FAM83D: variants seen among roughly 807,000 people sequenced by gnomAD.
FAM83D encodes scaffolding CK1 anchoring protein D.
FAM83D carries 26 observed loss-of-function variants against 25.4 expected under a neutral mutation model. The observed-to-expected ratio is 1.02, with a 90% CI of 0.75 to 1.42. The LOEUF is 1.42. FAM83D is among the 40% of genes most tolerant of loss of function. The probability of loss-of-function intolerance (pLI) is 0.00; values close to 1 mark genes in which losing one functional copy is unlikely to be tolerated. For missense variants in FAM83D, 740 were observed against 758.1 expected (o/e 0.98, Z 0.28); for synonymous variants, 310 against 318.5 (o/e 0.97, Z 0.28).
chr20:38,946,872 G>A (rs544419640), intron 2 of FAM83D, among the ~76,000 whole-genome samples: 92 of 152,320 alleles, frequency 6.0e-4, no homozygotes, highest in African/African-American at 2.2e-3. Context: ...GTGAACATGT[G>A]TAGAGGTTTT....
intron 1 of FAM83D, among the ~76,000 whole-genome samples, chr20:38,940,960 T>C (rs1045690181): frequency 6.6e-6 from 1 of 152,188 alleles, no homozygotes; most frequent in Admixed American, 6.5e-5. Context: ...AACCCTATTT[T>C]GCAGCTAAGG....
intron 2 of FAM83D, among the ~76,000 whole-genome samples, chr20:38,943,647 A>G (rs2085712992): frequency 6.6e-6 from 1 of 152,226 alleles, no homozygotes; most frequent in African/African-American, 2.4e-5. Flanking sequence ...CATGGAAAGA[A>G]GAAAGAAAAA....
chr20:38,943,784 G>A (rs185241746), intron 2 of FAM83D, among the ~76,000 whole-genome samples: 4 of 152,108 alleles, frequency 2.6e-5, no homozygotes, highest in Admixed American at 2.0e-4. Flanking sequence ...TCTGCCTCCC[G>A]GGTTCAAGCG....
At chr20:38,942,259 T>G in intron 2 of FAM83D, 133 bp downstream of exon 2, 1 of 941,880 alleles carries the variant, frequency 1.1e-6, no homozygotes. Context: ...GTCATTTGCC[T>G]GGTCTTACAG....
chr20:38,942,038 T>C lies in FAM83D; in HGVS notation c.563T>C (p.Val188Ala), dbSNP rs1249893148. Residue 188 changes from valine to alanine, a missense_variant, in exon 2 of 4, where the codon GTT (valine) becomes GCT (alanine). Around this residue, in one of 3 missense-constraint regions of FAM83D, gnomAD observed 333 missense variants for 298.6 expected, o/e 1.12. Transcript: ENST00000619850. ...DLQEICRKQG[V>A]AVYILLDQAL... ...CAAGAAATATGCAGGAAACAGGGAGTTGCTGTGTATATCCTTCTGGACCAG... is the reference window on the plus strand; with the variant it reads ...CAAGAAATATGCAGGAAACAGGGAGCTGCTGTGTATATCCTTCTGGACCAG... 4 of 1,613,950 alleles carry C rather than the reference T, an allele frequency of 2.5e-6. No individual in the cohort carries two copies. Among genetic ancestry groups the C allele is most frequent in the Non-Finnish European group, 2.5e-6 (3 of 1,179,984 alleles).
chr20:38,938,169 C>G (rs774192379), intron 1 of FAM83D, among the ~76,000 whole-genome samples: 1 of 152,242 alleles, frequency 6.6e-6, no homozygotes, highest in Admixed American at 6.5e-5. Context: ...TAGGTATTTA[C>G]TCACCATATA....
At chr20:38,937,062 G>A (rs2085682038) in intron 1 of FAM83D, among the ~76,000 whole-genome samples, 1 of 152,206 alleles carries the variant, frequency 6.6e-6, no homozygotes, top group African/African-American at 2.4e-5. Context: ...GGCTGGAGAA[G>A]TGCAGGAACA....
chr20:38,940,568 T>C (rs2085697415), intron 1 of FAM83D, among the ~76,000 whole-genome samples: 1 of 152,186 alleles, frequency 6.6e-6, no homozygotes, highest in African/African-American at 2.4e-5. Context: ...AGGCTTTTAC[T>C]GTGGAAATGG....
rs1568700910 is a variant in FAM83D at position 38,951,532 on chromosome 20, C to CT, written c.777-4dup. 6.2e-7 allele frequency: 1 copy of CT among 1,603,346 alleles called. No homozygotes were observed. Among genetic ancestry groups the CT allele is most frequent in the South Asian group, 1.1e-5 (1 of 89,476 alleles). On this transcript the variant is annotated splice_region_variant and splice_polypyrimidine_tract_variant and intron_variant, in intron 3 of 3. Transcript: ENST00000619850. ...CAGCTGCTGTTTGTTTCTTTTTAAT[C>CT]TTTAAGTTTTACATGGACGGATGGC...
chr20:38,939,894 T>C (rs1343912368), intron 1 of FAM83D, among the ~76,000 whole-genome samples: 1 of 152,160 alleles, frequency 6.6e-6, no homozygotes, highest in Admixed American at 6.5e-5. Flanking sequence ...AGCAGCCCTT[T>C]GACCCAGATG....
At chr20:38,935,743 G>T (rs1035298797) in intron 1 of FAM83D, among the ~76,000 whole-genome samples, 1 of 152,198 alleles carries the variant, frequency 6.6e-6, no homozygotes, top group African/African-American at 2.4e-5. Context: ...ACCGTGCCGG[G>T]CCTAAATTGT....
At chr20:38,931,853 C>G (rs974384427) in intron 1 of FAM83D, among the ~76,000 whole-genome samples, 4 of 152,230 alleles carry the variant, frequency 2.6e-5, no homozygotes, top group Non-Finnish European at 5.9e-5. Flanking sequence ...CTATTATGTG[C>G]ACCTTTGCTC....
intron 1 of FAM83D, among the ~76,000 whole-genome samples, chr20:38,939,944 G>A (rs1170970846): frequency 6.6e-6 from 1 of 152,184 alleles, no homozygotes; most frequent in Non-Finnish European, 1.5e-5. Flanking sequence ...CTGAGGCTCA[G>A]AGAGATTAAG....
Position 38,951,877 on chromosome 20 carries a change from A to G in FAM83D, c.1115A>G (p.Asp372Gly), listed in dbSNP as rs1242833245. 2 of 1,614,046 alleles carry G rather than the reference A, an allele frequency of 1.2e-6. No individual in the cohort carries two copies. Among genetic ancestry groups the G allele is most frequent in the African/African-American group, 2.7e-5 (2 of 74,916 alleles). The change falls in exon 4 of 4, where the codon GAC (aspartate) becomes GGC (glycine). Residue 372 changes from aspartate (D) to glycine (G), a missense_variant. This residue lies in a region of FAM83D where 375 missense variants were observed against 403.2 expected (regional missense o/e 0.93). Coordinates refer to ENST00000619850, the MANE Select transcript of FAM83D (RefSeq NM_030919.3). ...GAGTCCTCTACTGTTAGTGAGGAAGACTACTTCAGCAGCCACAGGGACGAG... is the reference window on the plus strand; with the variant it reads ...GAGTCCTCTACTGTTAGTGAGGAAGGCTACTTCAGCAGCCACAGGGACGAG... ...DCESSTVSEE[D>G]YFSSHRDELQ...
intron 1 of FAM83D, among the ~76,000 whole-genome samples, chr20:38,935,203 T>A (rs979836427): frequency 3.9e-5 from 6 of 152,114 alleles, no homozygotes; most frequent in Admixed American, 2.6e-4. Context: ...AGGCAAATGT[T>A]TTACATACTT....
At chr20:38,945,891 C>T (rs567504408) in intron 2 of FAM83D, among the ~76,000 whole-genome samples, 6 of 151,970 alleles carry the variant, frequency 3.9e-5, no homozygotes, top group South Asian at 2.1e-4. Flanking sequence ...GCACTGCGCC[C>T]GGCTGGATCT....
At chr20:38,949,260 C>G (rs1387333870) in intron 3 of FAM83D, among the ~76,000 whole-genome samples, 1 of 151,310 alleles carries the variant, frequency 6.6e-6, no homozygotes, top group African/African-American at 2.4e-5. Flanking sequence ...CTCTCAGATT[C>G]AAGCGATTCC....
chr20:38,936,409 G>A (rs963379416), intron 1 of FAM83D, among the ~76,000 whole-genome samples: 2 of 151,850 alleles, frequency 1.3e-5, no homozygotes, highest in African/African-American at 4.8e-5. Flanking sequence ...TGACGGAATC[G>A]GGACTAAGAA....
At position 38,926,884 on chromosome 20, in the gene FAM83D, T is replaced by A. The variant is rs1028879811; in HGVS notation, c.442T>A (p.Cys148Ser). ...RGAGEGGPYG[C>S]KDALRQQLRS... ...CGCTGGCGAAGGTGGCCCCTACGGC[T>A]GCAAGGACGCTCTGCGCCAGCAGCT... Residue 148 changes from cysteine to serine, a missense_variant, in exon 1 of 4, where the codon TGC becomes AGC. By Grantham distance (112) the Cys-to-Ser change is moderately radical. Around this residue, in one of 3 missense-constraint regions of FAM83D, gnomAD observed 333 missense variants for 298.6 expected, o/e 1.12. Transcript: ENST00000619850. The A allele has an allele frequency of 1.3e-6, 2 of 1,496,288 alleles. No individual in the cohort carries two copies. The highest frequency in any genetic ancestry group is 2.8e-5 in the African/African-American group (2 of 71,048). 92.7% of individuals were successfully genotyped at this position (1,496,288 alleles called of 1,614,324 possible). A position where few individuals can be genotyped will look rare whatever the true frequency, so the allele number is the denominator to read the frequency against.
Sources: allele counts gnomAD v4.1 joint callset (sites outside exome capture counted in the v4.1 genomes callset), GRCh38; gene constraint gnomAD v4.1.1; regional missense constraint gnomAD v4.1.1; transcripts MANE v1.5; gene names NCBI Gene and HGNC (gene_info 2026-07-23, HGNC 2026-07-21).